Variants in ATP6V0A2 observed in about 807,000 individuals in gnomAD.
ATP6V0A2 encodes V-type proton ATPase 116 kDa subunit a 2.
In ATP6V0A2, 58 loss-of-function variants were observed where a neutral mutation model predicts 104.4. That is an observed-to-expected ratio of 0.56 (90% confidence interval 0.45 to 0.69). The LOEUF is 0.69. ATP6V0A2 is among the 30% of genes least tolerant of loss of function. ATP6V0A2 has a pLI of 0.00. For synonymous variants in ATP6V0A2, 376 were observed against 397.9 expected (o/e 0.95, Z 0.65); for missense variants, 938 against 1,062.9 (o/e 0.88, Z 1.63).
Position 123,738,083 on chromosome 12 carries a change from G to A in ATP6V0A2, c.1038+812G>A, listed in dbSNP as rs577620116. Among the ~76,000 whole-genome samples, 9 of 152,324 alleles carry A rather than the reference G, an allele frequency of 5.9e-5. No individual in the cohort carries two copies. The South Asian group carries it at 1.9e-3, about 32-fold the overall frequency. Reference sequence around the variant, plus strand: ...TCAGCTATTGTATTTCTCTCATTGTGAGTGAAGGGGAATACCTTTTTTTTG... The same window carrying A: ...TCAGCTATTGTATTTCTCTCATTGTAAGTGAAGGGGAATACCTTTTTTTTG... On this transcript the variant is annotated intron_variant, in intron 9 of 19. Coordinates refer to ENST00000330342, the MANE Select transcript of ATP6V0A2 (RefSeq NM_012463.4).
Position 123,741,786 on chromosome 12 carries a change from T to C in ATP6V0A2, c.1039-1999T>C, listed in dbSNP as rs1956611970. Among the ~76,000 whole-genome samples the C allele has an allele frequency of 2.0e-5, 3 of 152,100 alleles. No homozygotes were observed. The South Asian group carries it at 6.2e-4, about 32-fold the overall frequency. On this transcript the variant is annotated intron_variant, in intron 9 of 19. Coordinates refer to ENST00000330342, the MANE Select transcript of ATP6V0A2 (RefSeq NM_012463.4). Reference sequence around the variant, plus strand: ...TCCTGCTCAAGGAGATTCTATATTATTACACAAGCAATATAAATGTATATT... The same window carrying C: ...TCCTGCTCAAGGAGATTCTATATTACTACACAAGCAATATAAATGTATATT...
chr12:123,749,304 A>G (rs751221733), intron 15 of ATP6V0A2, among the ~76,000 whole-genome samples: 71 of 152,190 alleles, frequency 4.7e-4, no homozygotes, highest in Middle Eastern at 6.8e-3. Context: ...AAAACCAACA[A>G]AACTGGTGGG....
intron 4 of ATP6V0A2, among the ~76,000 whole-genome samples, chr12:123,725,698 A>G (rs2135888692): frequency 6.6e-6 from 1 of 152,050 alleles, no homozygotes; most frequent in East Asian, 1.9e-4. Context: ...AGGTGAGAGG[A>G]TCATTTGAGC....
intron 5 of ATP6V0A2, among the ~76,000 whole-genome samples, chr12:123,726,798 T>G (rs1179417371): frequency 6.6e-6 from 1 of 152,266 alleles, no homozygotes; most frequent in Non-Finnish European, 1.5e-5. Context: ...AGTTTGAGGA[T>G]GTTTTCCTCC....
intron 13 of ATP6V0A2, among the ~76,000 whole-genome samples, chr12:123,746,423 A>G (rs1956662818): frequency 6.6e-6 from 1 of 152,036 alleles, no homozygotes; most frequent in South Asian, 2.1e-4. Flanking sequence ...CCTCATTCTA[A>G]AATCTTATTT....
chr12:123,739,880 T>G (rs908489360), intron 9 of ATP6V0A2, among the ~76,000 whole-genome samples: 8 of 152,240 alleles, frequency 5.3e-5, no homozygotes, highest in Non-Finnish European at 8.8e-5. Context: ...TTCTTTTCCT[T>G]GTAATTCATG....
In ATP6V0A2 at chr12:123,742,283, C is replaced by G. The variant is rs968007223; in HGVS notation, c.1039-1502C>G. On this transcript the variant is annotated intron_variant, in intron 9 of 19. Transcript: ENST00000330342. ...TCTGGCCATTTTTGGTGTTGTTGGCCCAGGCCCCTTGGAGGCCACATTGCT... is the reference window on the plus strand; with the variant it reads ...TCTGGCCATTTTTGGTGTTGTTGGCGCAGGCCCCTTGGAGGCCACATTGCT... 2.0e-5 allele frequency among the ~76,000 whole-genome samples: 3 copies of G among 152,202 alleles called. No individual in the cohort carries two copies. In the South Asian group the frequency reaches 6.2e-4, roughly 31 times the overall value.
rs2333838 is a variant in ATP6V0A2, at chr12:123,735,807, A to C, written c.825+183A>C. ...AGTTTTATTTTAGCAACTTGTTAGG[A>C]ACCTGAGTAGTAATGACAAGGCTTT... is the stretch of plus-strand genomic sequence containing the variant. On this transcript the variant is annotated intron_variant, in intron 8 of 19. Transcript: ENST00000330342. 0.6 allele frequency among the ~76,000 whole-genome samples: 91,836 copies of C among 152,010 alleles called. 28,391 individuals are homozygous for C. Among genetic ancestry groups the C allele is most frequent in the East Asian group, 0.95 (4,908 of 5,186 alleles).
intron 6 of ATP6V0A2, among the ~76,000 whole-genome samples, chr12:123,729,895 A>G (rs1031099269): frequency 6.6e-6 from 1 of 151,854 alleles, no homozygotes; most frequent in African/African-American, 2.4e-5. Flanking sequence ...GCTTACTGCA[A>G]TCTCTGCCTC....
Position 123,747,701 on chromosome 12 carries a change from T to C in ATP6V0A2, c.1700T>C (p.Val567Ala), listed in dbSNP as rs1448654002. The C allele has an allele frequency of 6.2e-7, 1 of 1,604,862 alleles. No homozygotes were observed. Among genetic ancestry groups the C allele is most frequent in the Non-Finnish European group, 8.5e-7 (1 of 1,171,716 alleles). ...GGAATCATTCATATGACTTTTGGAG[T>C]CATTCTGGGAATATTTAACCACTTG... The part of the protein sequence containing the change: ...ILGIIHMTFG[V>A]ILGIFNHLHF... Residue 567 changes from valine (V) to alanine (A), a missense_variant, in exon 14 of 20, where the codon GTC becomes GCC. Coordinates refer to ENST00000330342, the MANE Select transcript of ATP6V0A2 (RefSeq NM_012463.4).
chr12:123,758,304 G>T lies in ATP6V0A2; in HGVS notation c.*272G>T. 1 of 282,360 alleles carries T rather than the reference G, an allele frequency of 3.5e-6. No homozygotes were observed. The highest frequency in any genetic ancestry group is 7.6e-5 in the East Asian group (1 of 13,218). The allele number at this position is 282,360 out of a possible 1,614,324, so 17.5% of individuals were successfully genotyped here. A position where few individuals can be genotyped will look rare whatever the true frequency, so the allele number is the denominator to read the frequency against. ...TGTTAAAGTTATTTTTTCAAATACA[G>T]GATTTGGGGAGAGAAGCCAATTTTG... is the stretch of plus-strand genomic sequence containing the variant. On this transcript the variant is annotated 3_prime_UTR_variant, in exon 20 of 20. Transcript: ENST00000330342.
chr12:123,728,042 C>T (rs755165247), intron 6 of ATP6V0A2, 133 bp downstream of exon 6: 37 of 1,147,782 alleles, frequency 3.2e-5, no homozygotes, highest in South Asian at 1.3e-4. Flanking sequence ...TCTTCAACCA[C>T]GTGTAGTGTG....
chr12:123,732,197 C>G (rs1406868510), intron 6 of ATP6V0A2: 2 of 152,488 alleles, frequency 1.3e-5, no homozygotes, highest in Non-Finnish European at 2.9e-5. Flanking sequence ...CTGTTTCTTG[C>G]GTCTCACTTA....
At chr12:123,753,945 C>T in intron 17 of ATP6V0A2, 1 of 174,244 alleles carries the variant, frequency 5.7e-6, no homozygotes, top group Non-Finnish European at 1.2e-5. Context: ...TGGTGCTTTG[C>T]AGCCCTTTCC....
chr12:123,720,272 C>T (rs1956386611), intron 2 of ATP6V0A2, among the ~76,000 whole-genome samples: 1 of 152,116 alleles, frequency 6.6e-6, no homozygotes, highest in Non-Finnish European at 1.5e-5. Flanking sequence ...GTTAGTGGCA[C>T]CATATTCCTG....
At position 123,756,640 on chromosome 12, in the gene ATP6V0A2, C is replaced by A. The variant is rs1348506937; in HGVS notation, c.2294-175C>A. On this transcript the variant is annotated intron_variant, in intron 18 of 19. Transcript: ENST00000330342. The stretch of plus-strand genomic sequence containing the variant: ...GGTCTTCCTTAGTGTTTGAGACCGT[C>A]TCGGAGCTGACTGGCTTTCACATGA... The A allele has an allele frequency of 4.7e-6, 3 of 643,822 alleles. No homozygotes were observed. The Admixed American group carries it at 8.3e-5, about 18-fold the overall frequency. The allele number at this position is 643,822 out of a possible 1,614,324, so 39.9% of individuals were successfully genotyped here.
rs759980365 is a variant in ATP6V0A2 at position 123,744,755 on chromosome 12, C to T, written c.1485C>T (p.Pro495=). The T allele has an allele frequency of 2.9e-5, 47 of 1,614,150 alleles. No individual in the cohort carries two copies. The highest frequency in any genetic ancestry group is 1.1e-4 in the East Asian group (5 of 44,882). ...CCATGTACAGCTCCAGCCACCCACCCGCAGAGCATAAGAAGATGGTGCTTT... is the reference window on the plus strand; with the variant it reads ...CCATGTACAGCTCCAGCCACCCACCTGCAGAGCATAAGAAGATGGTGCTTT... ...VSAMYSSSHP[P]AEHKKMVLWN... Residue 495 remains proline, a synonymous_variant, in exon 12 of 20, where the codon CCC becomes CCT. Coordinates refer to ENST00000330342, the MANE Select transcript of ATP6V0A2 (RefSeq NM_012463.4). The surrounding 1 kb of genome is among the most constrained non-coding windows in gnomAD (Gnocchi z 5.4).
At chr12:123,720,859 C>T (rs1238126534) in intron 2 of ATP6V0A2, among the ~76,000 whole-genome samples, 1 of 152,050 alleles carries the variant, frequency 6.6e-6, no homozygotes, top group Non-Finnish European at 1.5e-5. Flanking sequence ...AGTGAGACCC[C>T]TGTCTCTTAA....
intron 9 of ATP6V0A2, chr12:123,739,129 G>C (rs1252296413): frequency 1.3e-5 from 2 of 152,274 alleles, no homozygotes; most frequent in Admixed American, 6.5e-5. Context: ...TGCTGCTTCT[G>C]CCATCTCCTG....
Sources: gnomAD v4.1 joint callset for allele counts (sites outside exome capture counted in the v4.1 genomes callset) on GRCh38, gnomAD v4.1.1 for gene constraint, Gnocchi (gnomAD v3.1) non-coding constraint, MANE v1.5 for transcripts, NCBI Gene and HGNC (gene_info 2026-07-23, HGNC 2026-07-21) for gene names.